Variants in JARID2 observed in about 807,000 individuals in gnomAD.
The protein encoded by JARID2 is jumonji and AT-rich interaction domain containing 2.
A neutral mutation model predicts 125.6 loss-of-function variants in JARID2; 21 were observed. The ratio of observed to expected loss-of-function variants is 0.17; its 90% confidence interval spans 0.12 to 0.24. The LOEUF is 0.24. Ranked by LOEUF, JARID2 falls within the 10% of genes least tolerant of loss-of-function variation. JARID2 has a pLI of 1.00. For missense variants in JARID2, 1,303 were observed against 1,639.6 expected (o/e 0.79, Z 3.55); for synonymous variants, 736 against 661.6 (o/e 1.11, Z -1.73).
intron 1 of JARID2, among the ~76,000 whole-genome samples, chr6:15,324,919 T>C (rs1762488391): frequency 6.6e-6 from 1 of 151,862 alleles, no homozygotes; most frequent in African/African-American, 2.4e-5. Flanking sequence ...TCCCTGCCCT[T>C]TGTCAAAGAA....
Position 15,487,512 on chromosome 6 carries a change from G to A in JARID2, c.876G>A (p.Leu292=), listed in dbSNP as rs1375510544. 3.1e-6 allele frequency: 5 copies of A among 1,613,448 alleles called. No homozygotes were observed. The highest frequency in any genetic ancestry group is 1.7e-5 in the Admixed American group (1 of 59,982). Residue 292 remains leucine, a synonymous_variant, in exon 6 of 18, where the codon CTG becomes CTA. Transcript: ENST00000341776. ...CTGCCACCCATCACCACCCCCCTCT[G>A]CATCGGTCGGCTCAGGACTTACGGA... is the stretch of plus-strand genomic sequence containing the variant. The part of the protein sequence containing the change: ...GLAATHHHPP[L]HRSAQDLRKQ...
At chr6:15,327,069 A>G (rs1455934745) in intron 1 of JARID2, among the ~76,000 whole-genome samples, 1 of 152,152 alleles carries the variant, frequency 6.6e-6, no homozygotes, top group African/African-American at 2.4e-5. Flanking sequence ...TCTGGCAGCA[A>G]CATTTGGGCC....
chr6:15,366,557 A>G (rs1265390640), intron 1 of JARID2, among the ~76,000 whole-genome samples: 1 of 149,000 alleles, frequency 6.7e-6, no homozygotes, highest in Non-Finnish European at 1.5e-5. Flanking sequence ...TCCAATTGCC[A>G]TGTCTTAGCA....
chr6:15,261,784 A>ATT (rs58582193), intron 1 of JARID2, among the ~76,000 whole-genome samples: 7,684 of 134,810 alleles, frequency 0.057, 801 homozygotes, highest in African/African-American at 0.2. Flanking sequence ...AAATTCAGGG[A>ATT]TTTTTTTTTT....
At chr6:15,516,978 C>T (rs146416242) in intron 16 of JARID2, among the ~76,000 whole-genome samples, 183 bp from the exon 17 acceptor site, 5 of 152,292 alleles carry the variant, frequency 3.3e-5, no homozygotes, top group African/African-American at 7.2e-5. Flanking sequence ...GGTCAGTTTT[C>T]GTTTTAGTCC....
intron 1 of JARID2, among the ~76,000 whole-genome samples, chr6:15,370,264 A>T (rs1764115267): frequency 6.6e-6 from 1 of 151,598 alleles, no homozygotes; most frequent in South Asian, 2.1e-4. Context: ...ATGGAAAGGA[A>T]GGTCTGTATT....
intron 1 of JARID2, among the ~76,000 whole-genome samples, chr6:15,278,687 G>T (rs558876173): frequency 2.0e-5 from 3 of 152,190 alleles, no homozygotes; most frequent in African/African-American, 7.2e-5. Flanking sequence ...GGAAGGGTCT[G>T]GGGGGACATG....
chr6:15,428,605 C>G (rs895893852), intron 3 of JARID2, among the ~76,000 whole-genome samples: 4 of 152,084 alleles, frequency 2.6e-5, no homozygotes. Context: ...TGAACTCATG[C>G]AATGATAGAA....
rs574004572 is a variant in JARID2, at chr6:15,366,152, T to C, written c.46-7965T>C. 4.6e-5 allele frequency among the ~76,000 whole-genome samples: 7 copies of C among 152,258 alleles called. No individual in the cohort carries two copies. In the South Asian group the frequency reaches 1.4e-3, roughly 32 times the overall value. ...AAGTGTTGCTGGAACAGGTTTGGCA[T>C]ATCAGGCAGCCACAAGTTGTTTCAA... On this transcript the variant is annotated intron_variant, in intron 1 of 17. Coordinates refer to ENST00000341776, the MANE Select transcript of JARID2 (RefSeq NM_004973.4).
chr6:15,438,273 A>G (rs1285817925), intron 3 of JARID2, among the ~76,000 whole-genome samples: 1 of 152,176 alleles, frequency 6.6e-6, no homozygotes, highest in Admixed American at 6.5e-5. Flanking sequence ...GGAGACCATT[A>G]GGGCATGTTG....
intron 1 of JARID2, among the ~76,000 whole-genome samples, chr6:15,350,602 T>G (rs1354734700): frequency 1.3e-5 from 2 of 152,188 alleles, no homozygotes; most frequent in Non-Finnish European, 2.9e-5. Flanking sequence ...TATGAGTGAA[T>G]TTGGTCCAGG....
chr6:15,338,990 T>C (rs992237896), intron 1 of JARID2, among the ~76,000 whole-genome samples: 1 of 152,202 alleles, frequency 6.6e-6, no homozygotes, highest in Non-Finnish European at 1.5e-5. Flanking sequence ...AGAAGCAGGC[T>C]GCTCTGCAAG....
At chr6:15,332,930 CTTTTCTTTTTTTTTTTTT>C (rs1471355239) in intron 1 of JARID2, among the ~76,000 whole-genome samples, 5 of 82,798 alleles carry the variant, frequency 6.0e-5, no homozygotes, top group Admixed American at 1.7e-4. Flanking sequence ...CTTTTCTTTT[CTTTTCTTTTTTTTTTTTT>C]TTTTTTTTTT....
chr6:15,380,456 T>C (rs1455619708), intron 2 of JARID2, among the ~76,000 whole-genome samples: 1 of 152,264 alleles, frequency 6.6e-6, no homozygotes, highest in Non-Finnish European at 1.5e-5. Context: ...ATCAAAAATG[T>C]AGACTGTGAA....
chr6:15,365,746 C>T (rs12195286), intron 1 of JARID2, among the ~76,000 whole-genome samples: 17,063 of 152,004 alleles, frequency 0.11, 1,059 homozygotes, highest in South Asian at 0.15. Context: ...GGAAGCATGT[C>T]TGTCTGAAGA....
At chr6:15,506,377 C>T (rs1324492215) in intron 9 of JARID2, among the ~76,000 whole-genome samples, 1 of 152,230 alleles carries the variant, frequency 6.6e-6, no homozygotes, top group South Asian at 2.1e-4. Flanking sequence ...TCCGCCAGGT[C>T]GGCCCCCTCT....
chr6:15,411,210 T>A (rs577495268), intron 3 of JARID2, among the ~76,000 whole-genome samples: 7 of 152,308 alleles, frequency 4.6e-5, no homozygotes, highest in African/African-American at 1.2e-4. Context: ...CCTTGTCAGT[T>A]CATCTCTGTT....
At position 15,496,284 on chromosome 6, in the gene JARID2, G is replaced by A. The variant is rs992316368; in HGVS notation, c.1059G>A (p.Lys353=). ...GGGCTGTCACATACACCAAAGCCAA[G>A]AGAGAACTGGTCAAGGACACCAAAC... ...TKGAVTYTKA[K]RELVKDTKPN... The change falls in exon 7 of 18, where the codon AAG becomes AAA. Residue 353 remains lysine (K), a synonymous_variant. Coordinates refer to ENST00000341776, the MANE Select transcript of JARID2 (RefSeq NM_004973.4). The A allele has an allele frequency of 6.2e-7, 1 of 1,614,180 alleles. No individual in the cohort carries two copies. Among genetic ancestry groups the A allele is most frequent in the African/African-American group, 1.3e-5 (1 of 75,036 alleles).
chr6:15,416,740 G>C (rs561988426), intron 3 of JARID2, among the ~76,000 whole-genome samples: 313 of 151,720 alleles, frequency 2.1e-3, no homozygotes, highest in Non-Finnish European at 2.7e-3. Context: ...GGGAGAGGGA[G>C]AGGGGCTAAC....
Sources: gnomAD v4.1 joint callset for allele counts (sites outside exome capture counted in the v4.1 genomes callset) on GRCh38, gnomAD v4.1.1 for gene constraint, MANE v1.5 for transcripts, NCBI Gene and HGNC (gene_info 2026-07-23, HGNC 2026-07-21) for gene names.